RSBN1: variants seen among roughly 807,000 people sequenced by gnomAD.
The protein encoded by RSBN1 is lysine-specific demethylase 9.
RSBN1 carries 23 observed loss-of-function variants against 74.8 expected under a neutral mutation model. That is an observed-to-expected ratio of 0.31 (90% CI 0.22 to 0.44). RSBN1 has a LOEUF of 0.44. RSBN1 is among the 20% of genes least tolerant of loss of function. The pLI is 1.00. For synonymous variants in RSBN1, 407 were observed against 379.6 expected (o/e 1.07, Z -0.84); for missense variants, 808 against 1,020.9 (o/e 0.79, Z 2.84).
intron 4 of RSBN1, among the ~76,000 whole-genome samples, chr1:113,776,760 T>C (rs1438794569): frequency 1.4e-5 from 2 of 146,212 alleles, no homozygotes; most frequent in Non-Finnish European, 3.0e-5. Context: ...CAGTGAGCTA[T>C]GATTGTACCA....
intron 2 of RSBN1, among the ~76,000 whole-genome samples, chr1:113,788,001 A>C (rs1253763011): frequency 6.6e-6 from 1 of 152,188 alleles, no homozygotes; most frequent in Non-Finnish European, 1.5e-5. Context: ...AGAGTATAAA[A>C]GAAAACTTAA....
At chr1:113,809,100 G>A (rs561797852) in intron 1 of RSBN1, among the ~76,000 whole-genome samples, 1 of 151,712 alleles carries the variant, frequency 6.6e-6, no homozygotes, top group South Asian at 2.1e-4. Context: ...ATAAGCGAAG[G>A]AAGGACATAG....
At chr1:113,807,219 T>C (rs1375973319) in intron 1 of RSBN1, among the ~76,000 whole-genome samples, 1 of 149,178 alleles carries the variant, frequency 6.7e-6, no homozygotes, top group Non-Finnish European at 1.5e-5. Context: ...GAGGCTGACA[T>C]AGGAGAATCG....
At chr1:113,792,201 A>G (rs767257661) in intron 2 of RSBN1, among the ~76,000 whole-genome samples, 1 of 152,212 alleles carries the variant, frequency 6.6e-6, no homozygotes, top group Non-Finnish European at 1.5e-5. Context: ...CCCTACCCCC[A>G]GCAAACACAT....
intron 2 of RSBN1, among the ~76,000 whole-genome samples, chr1:113,787,225 C>G (rs1387775180): frequency 6.6e-6 from 1 of 152,166 alleles, no homozygotes; most frequent in Non-Finnish European, 1.5e-5. Context: ...GTGAAGAGGA[C>G]TGCTGTTTAA....
chr1:113,790,765 C>T (rs539075774), intron 2 of RSBN1, among the ~76,000 whole-genome samples: 2 of 152,206 alleles, frequency 1.3e-5, no homozygotes, highest in African/African-American at 4.8e-5. Flanking sequence ...ATGAAAGGAA[C>T]TAGAGTAATG....
At chr1:113,774,789 G>A (rs1659986864) in intron 4 of RSBN1, among the ~76,000 whole-genome samples, 1 of 152,026 alleles carries the variant, frequency 6.6e-6, no homozygotes, top group Non-Finnish European at 1.5e-5. Context: ...CCTGGGAGAT[G>A]GGCTACAGTG....
Position 113,811,764 on chromosome 1 carries a change from G to T in RSBN1, c.649C>A (p.Gln217Lys), listed in dbSNP as rs200218368. 6.2e-7 allele frequency: 1 copy of T among 1,613,364 alleles called. No homozygotes were observed. Among genetic ancestry groups the T allele is most frequent in the Non-Finnish European group, 8.5e-7 (1 of 1,179,752 alleles). The change falls in exon 1 of 7, where the codon CAG (glutamine) becomes AAG (lysine). Residue 217 changes from glutamine (Q) to lysine (K), a missense_variant. By Grantham distance (53) the Gln-to-Lys change is moderately conservative. This residue lies in a region of RSBN1 where 464 missense variants were observed against 401.0 expected (regional missense o/e 1.16). Transcript: ENST00000261441. ...CGTDLKHKDK[Q>K]ENGERTGGVP... is the part of the protein sequence containing the mutation. ...CCTCCAGTCCTCTCGCCGTTTTCCT[G>T]CTTGTCCTTGTGCTTGAGATCGGTT...
Position 113,797,953 on chromosome 1 carries a change from G to C in RSBN1, c.787C>G (p.Arg263Gly). Residue 263 changes from arginine (R) to glycine (G), a missense_variant, in exon 2 of 7, where the codon CGA becomes GGA. Coordinates refer to ENST00000261441, the MANE Select transcript of RSBN1 (RefSeq NM_018364.5). ...AGGCGTCTTCCTCGCATGTCTTCTC[G>C]GTGTTTCTTTTTCTTTTTCTTCTTT... is the stretch of plus-strand genomic sequence containing the variant. ...KIKKKKKKKH[R>G]EDMRGRRLKM... 6.2e-7 allele frequency: 1 copy of C among 1,612,980 alleles called. No individual in the cohort carries two copies. Among genetic ancestry groups the C allele is most frequent in the Non-Finnish European group, 8.5e-7 (1 of 1,179,726 alleles).
chr1:113,770,144 T>C (rs993124543), intron 4 of RSBN1, among the ~76,000 whole-genome samples: 2 of 152,200 alleles, frequency 1.3e-5, no homozygotes, highest in South Asian at 2.1e-4. Flanking sequence ...TTCTGTCTAA[T>C]AGTATGAAAG....
chr1:113,766,072 T>C lies in RSBN1; in HGVS notation c.2317A>G (p.Lys773Glu). The change falls in exon 7 of 7, where the codon AAG (lysine) becomes GAG (glutamate). Residue 773 changes from lysine to glutamate, a missense_variant. Lys to Glu is a moderately conservative substitution (Grantham distance 56). Around this residue, in one of 6 missense-constraint regions of RSBN1, gnomAD observed 91 missense variants for 99.6 expected, o/e 0.91. Transcript: ENST00000261441. ...TTTAAAACTGGAATAGGCTGAGTCT[T>C]CTGATCTTGCTGTAGATTAAGTTCT... ...ASELNLQQDQ[K>E]TQPIPVLKVE... The C allele has an allele frequency of 6.2e-7, 1 of 1,614,130 alleles. No individual in the cohort carries two copies. The highest frequency in any genetic ancestry group is 8.5e-7 in the Non-Finnish European group (1 of 1,179,964).
At chr1:113,780,561 A>T (rs187642054) in intron 2 of RSBN1, among the ~76,000 whole-genome samples, 1 of 152,368 alleles carries the variant, frequency 6.6e-6, no homozygotes, top group East Asian at 1.9e-4. Context: ...GGAGCAACAG[A>T]AGACAAAGAA....
rs372091264 is a variant in RSBN1, at chr1:113,766,007, C to T, written c.2382G>A (p.Leu794=). The T allele has an allele frequency of 6.2e-7, 1 of 1,613,112 alleles. No individual in the cohort carries two copies. Among genetic ancestry groups the T allele is most frequent in the Admixed American group, 1.7e-5 (1 of 59,986 alleles). ...SRLDSDQQHN[L]QEHSTTSV ...ACACAGAAGTGGTTGAATGTTCTTG[C>T]AGATTGTGTTGCTGGTCAGAGTCCA... Residue 794 remains leucine (L), a synonymous_variant, in exon 7 of 7, where the codon CTG becomes CTA. Transcript: ENST00000261441.
intron 5 of RSBN1, among the ~76,000 whole-genome samples, chr1:113,767,715 G>C (rs1659807552): frequency 6.6e-6 from 1 of 152,176 alleles, no homozygotes; most frequent in African/African-American, 2.4e-5. Flanking sequence ...AAAGGTAGAA[G>C]CAACCCAAGT....
At chr1:113,791,852 C>T (rs1266878849) in intron 2 of RSBN1, among the ~76,000 whole-genome samples, 3 of 152,068 alleles carry the variant, frequency 2.0e-5, no homozygotes, top group Non-Finnish European at 2.9e-5. Flanking sequence ...GAGCTATTTC[C>T]CAAGCTATAT....
intron 4 of RSBN1, 27 bp from the exon 5 acceptor site, chr1:113,768,416 A>G (rs1170695809): frequency 6.5e-6 from 10 of 1,541,182 alleles, no homozygotes; most frequent in Non-Finnish European, 7.9e-6. Flanking sequence ...TGTTAAACAA[A>G]GGGTAAGCAA....
At chr1:113,804,802 C>T (rs1307305784) in intron 1 of RSBN1, among the ~76,000 whole-genome samples, 5 of 151,466 alleles carry the variant, frequency 3.3e-5, no homozygotes, top group African/African-American at 1.2e-4. Context: ...AGAAGTGTTT[C>T]TGGACTTAAA....
At chr1:113,808,245 T>C (rs560373424) in intron 1 of RSBN1, among the ~76,000 whole-genome samples, 3 of 152,326 alleles carry the variant, frequency 2.0e-5, no homozygotes, top group African/African-American at 7.2e-5. Context: ...TAATTGCTTA[T>C]AACCTATGCA....
intron 4 of RSBN1, among the ~76,000 whole-genome samples, chr1:113,773,493 A>G (rs1168639344): frequency 6.6e-6 from 1 of 152,198 alleles, no homozygotes; most frequent in African/African-American, 2.4e-5. Flanking sequence ...ACTGCACTCC[A>G]GCCTGGGTGA....
Sources: gnomAD v4.1 joint callset for allele counts (sites outside exome capture counted in the v4.1 genomes callset) on GRCh38, gnomAD v4.1.1 for gene constraint, gnomAD v4.1.1 regional missense constraint, MANE v1.5 for transcripts, NCBI Gene and HGNC (gene_info 2026-07-23, HGNC 2026-07-21) for gene names.